The following SLC8A1 variants were observed in gnomAD, a reference collection of about 807,000 sequenced individuals.
The protein encoded by SLC8A1 is sodium/calcium exchanger 1.
SLC8A1 carries 18 observed loss-of-function variants against 68.3 expected under a neutral mutation model. The observed-to-expected ratio is 0.26, with a 90% confidence interval of 0.18 to 0.39. SLC8A1 has a LOEUF of 0.39. SLC8A1 is among the 10% of genes least tolerant of loss of function. SLC8A1 has a pLI of 1.00. For missense variants in SLC8A1, 985 were observed against 1,156.7 expected, an observed-to-expected ratio of 0.85 and a Z score of 2.15; for synonymous variants, 475 against 415.5, an observed-to-expected ratio of 1.14 and a Z score of -1.74.
chr2:40,311,454 C>A (rs770132928), intron 2 of SLC8A1, among the ~76,000 whole-genome samples: 9 of 151,534 alleles, frequency 5.9e-5, no homozygotes, highest in Non-Finnish European at 1.2e-4. Context: ...ATGAGAAAAT[C>A]GAAGGCATTA....
At chr2:40,218,586 T>C (rs1179170476) in intron 2 of SLC8A1, among the ~76,000 whole-genome samples, 3 of 152,104 alleles carry the variant, frequency 2.0e-5, no homozygotes, top group Non-Finnish European at 1.5e-5. Flanking sequence ...AATATTATCG[T>C]ATATGGAATT....
chr2:40,232,189 T>C (rs1016611283), intron 2 of SLC8A1, among the ~76,000 whole-genome samples: 2 of 152,080 alleles, frequency 1.3e-5, no homozygotes, highest in Non-Finnish European at 2.9e-5. Context: ...TAGGAGACCC[T>C]GAACATTTCA....
chr2:40,107,205 G>A (rs1170897980), exon 8 of SLC8A1: 2 of 143,894 alleles, frequency 1.4e-5, no homozygotes, highest in East Asian at 2.1e-4. Flanking sequence ...TCGTGAACCC[G>A]GGAGGTGGAG....
intron 1 of SLC8A1, among the ~76,000 whole-genome samples, chr2:40,439,168 G>A (rs929130647): frequency 6.6e-6 from 1 of 152,016 alleles, no homozygotes; most frequent in Admixed American, 6.6e-5. Flanking sequence ...GGAGATTAAA[G>A]CACTGGAGGT....
intron 2 of SLC8A1, among the ~76,000 whole-genome samples, chr2:40,310,177 G>A (rs1309705008): frequency 6.6e-6 from 1 of 152,222 alleles, no homozygotes; most frequent in Admixed American, 6.5e-5. Context: ...GTAATGAGGT[G>A]TTGAAGCTTT....
At position 40,239,987 on chromosome 2, in the gene SLC8A1, A is replaced by G. The variant is rs1433576494; in HGVS notation, c.1809-62132T>C. ...TCTTCTGTAATCCGAAGTCATGTGAATGAAATGTCCCAGGCTCATAATGAA... is the reference window on the plus strand; with the variant it reads ...TCTTCTGTAATCCGAAGTCATGTGAGTGAAATGTCCCAGGCTCATAATGAA... On this transcript the variant is annotated intron_variant, in intron 2 of 7. Coordinates refer to ENST00000406785, the Ensembl canonical transcript of SLC8A1. Among the ~76,000 whole-genome samples, 4 of 152,216 alleles carry G rather than the reference A, an allele frequency of 2.6e-5. No individual in the cohort carries two copies. The East Asian group carries it at 7.7e-4, about 29-fold the overall frequency.
intron 2 of SLC8A1, among the ~76,000 whole-genome samples, chr2:40,337,856 T>A (rs973863916): frequency 2.6e-5 from 4 of 152,188 alleles, no homozygotes; most frequent in Non-Finnish European, 5.9e-5. Flanking sequence ...TTTTTCACTG[T>A]CAGTTCTACC....
chr2:40,313,611 C>A (rs1040179998), intron 2 of SLC8A1, among the ~76,000 whole-genome samples: 1 of 151,836 alleles, frequency 6.6e-6, no homozygotes, highest in Admixed American at 6.6e-5. Context: ...CTATATTGCC[C>A]AGACTGGTCT....
At chr2:40,311,774 T>C (rs532677436) in intron 2 of SLC8A1, among the ~76,000 whole-genome samples, 55 of 152,246 alleles carry the variant, frequency 3.6e-4, no homozygotes, top group South Asian at 1.2e-3. Flanking sequence ...ATATTAAAAA[T>C]AGACTTTGTT....
At chr2:40,418,842 G>A (rs542970228) in intron 2 of SLC8A1, among the ~76,000 whole-genome samples, 1 of 152,164 alleles carries the variant, frequency 6.6e-6, no homozygotes, top group Non-Finnish European at 1.5e-5. Flanking sequence ...CAGGAGAGGA[G>A]AGAGAGCCCT....
chr2:40,484,819 A>G (rs1384815595), intron 1 of SLC8A1, among the ~76,000 whole-genome samples: 1 of 152,290 alleles, frequency 6.6e-6, no homozygotes, highest in East Asian at 1.9e-4. Context: ...GTGGAGGGTC[A>G]TGTTAGGTTC....
At chr2:40,280,377 A>C (rs1175962067) in intron 2 of SLC8A1, among the ~76,000 whole-genome samples, 1 of 152,166 alleles carries the variant, frequency 6.6e-6, no homozygotes, top group African/African-American at 2.4e-5. Context: ...CATTTTCTGA[A>C]AAGCCCCACA....
intron 2 of SLC8A1, among the ~76,000 whole-genome samples, chr2:40,362,447 TAAAG>T (rs1483943156): frequency 2.0e-5 from 3 of 151,954 alleles, no homozygotes; most frequent in Non-Finnish European, 4.4e-5. Context: ...ACTACCAAAA[TAAAG>T]AAAGGAAGAA....
exon 8 of SLC8A1, chr2:40,115,085 TG>T (rs1292382364): frequency 2.6e-6 from 1 of 389,350 alleles, no homozygotes; most frequent in Admixed American, 4.2e-5. Flanking sequence ...CCCCTGGGAA[TG>T]GGAGGTGATG....
intron 2 of SLC8A1, among the ~76,000 whole-genome samples, chr2:40,236,532 G>A (rs1404037998): frequency 2.1e-4 from 31 of 150,632 alleles, no homozygotes; most frequent in Admixed American, 2.0e-3. Context: ...ACAGCACACT[G>A]ATGGGTCTTG....
At chr2:40,174,941 G>A (rs548931611) in intron 3 of SLC8A1, 99 bp from the exon 5 acceptor site, 288 of 1,096,320 alleles carry the variant, frequency 2.6e-4, no homozygotes, top group Non-Finnish European at 3.7e-4. Flanking sequence ...CAAGGTACTT[G>A]CCAAATTATA....
At chr2:40,234,391 C>T (rs971232899) in intron 2 of SLC8A1, among the ~76,000 whole-genome samples, 5 of 151,988 alleles carry the variant, frequency 3.3e-5, no homozygotes, top group Admixed American at 6.6e-5. Flanking sequence ...CATGATTTGG[C>T]TCTCTGTTTG....
At chr2:40,205,449 G>GAATACTA (rs2055221451) in intron 2 of SLC8A1, among the ~76,000 whole-genome samples, 2 of 151,916 alleles carry the variant, frequency 1.3e-5, no homozygotes, top group South Asian at 4.1e-4. Flanking sequence ...GTATTCCATG[G>GAATACTA]TGTATATGTA....
intron 2 of SLC8A1, among the ~76,000 whole-genome samples, chr2:40,214,509 C>T (rs1220405946): frequency 1.3e-5 from 2 of 150,558 alleles, no homozygotes; most frequent in African/African-American, 4.9e-5. Flanking sequence ...ATGGCGCAAT[C>T]TTGGCTCACT....
Sources: gnomAD v4.1 joint callset for allele counts (sites outside exome capture counted in the v4.1 genomes callset) on GRCh38, gnomAD v4.1.1 for gene constraint, MANE v1.5 for transcripts, NCBI Gene and HGNC (gene_info 2026-07-23, HGNC 2026-07-21) for gene names.